The following LNX1 variants were observed in gnomAD, a reference collection of about 807,000 sequenced individuals.
The protein encoded by LNX1 is E3 ubiquitin-protein ligase LNX.
In LNX1, 54 loss-of-function variants were observed where a neutral mutation model predicts 68.4. That is an observed-to-expected ratio of 0.79 (90% CI 0.63 to 0.99). The LOEUF (loss-of-function observed/expected upper bound fraction) is 0.99, where lower values mean the gene tolerates loss of function less well. LNX1 is among the 50% of genes least tolerant of loss of function. The probability of loss-of-function intolerance (pLI) is 0.00; values close to 1 mark genes in which losing one functional copy is unlikely to be tolerated. For synonymous variants in LNX1, 336 were observed against 350.0 expected (o/e 0.96, Z 0.45); for missense variants, 906 against 926.4 (o/e 0.98, Z 0.29).
intron 1 of LNX1, among the ~76,000 whole-genome samples, chr4:53,577,653 A>C (rs1296354207): frequency 6.6e-5 from 10 of 152,172 alleles, no homozygotes; most frequent in African/African-American, 1.9e-4. Context: ...GGCCTCAAGC[A>C]ATCCTCCCAT....
chr4:53,535,116 T>A (rs913946156), intron 2 of LNX1, among the ~76,000 whole-genome samples: 2 of 147,858 alleles, frequency 1.4e-5, no homozygotes, highest in Non-Finnish European at 3.0e-5. Flanking sequence ...CAATGTTTTC[T>A]CTCTGCATCA....
chr4:53,621,767 A>C (rs549495704), upstream of LNX1, among the ~76,000 whole-genome samples: 9 of 152,310 alleles, frequency 5.9e-5, no homozygotes, highest in African/African-American at 2.2e-4. Context: ...CTCAGACCCC[A>C]CCTCAAATGA....
intron 1 of LNX1, among the ~76,000 whole-genome samples, chr4:53,590,318 A>T (rs553990710): frequency 1.3e-5 from 2 of 152,374 alleles, no homozygotes; most frequent in South Asian, 4.1e-4. Flanking sequence ...AATTCCTAAC[A>T]GATTATTCCC....
intron 2 of LNX1, among the ~76,000 whole-genome samples, chr4:53,543,001 T>C (rs1352112869): frequency 1.3e-5 from 2 of 152,196 alleles, no homozygotes; most frequent in African/African-American, 2.4e-5. Flanking sequence ...TAGGTGTGGA[T>C]TTGGAGTCAG....
intron 9 of LNX1, among the ~76,000 whole-genome samples, chr4:53,468,249 A>G (rs1354659640): frequency 6.6e-6 from 1 of 152,334 alleles, no homozygotes; most frequent in South Asian, 2.1e-4. Context: ...AATAAGCTCT[A>G]TAAGTGAAGG....
chr4:53,637,235 A>G (rs1323389139), intron 1 of LNX1, among the ~76,000 whole-genome samples: 2 of 152,126 alleles, frequency 1.3e-5, no homozygotes, highest in Non-Finnish European at 2.9e-5. Context: ...CTTGGCCCCT[A>G]AGAAACTTGT....
intron 2 of LNX1, among the ~76,000 whole-genome samples, chr4:53,541,229 G>A (rs910723913): frequency 1.3e-5 from 2 of 152,124 alleles, no homozygotes; most frequent in Non-Finnish European, 2.9e-5. Flanking sequence ...CTAGTGAGTG[G>A]GTGGAGGTAA....
At chr4:53,601,569 C>T (rs114817610) in intron 2 of LNX1, among the ~76,000 whole-genome samples, 3 of 152,214 alleles carry the variant, frequency 2.0e-5, no homozygotes, top group African/African-American at 7.2e-5. Flanking sequence ...GTGACAACTG[C>T]GTGAGCCTGG....
chr4:53,517,907 C>T (rs114483620), intron 2 of LNX1, among the ~76,000 whole-genome samples: 1,712 of 115,742 alleles, frequency 0.015, 30 homozygotes, highest in African/African-American at 0.053. Flanking sequence ...GAACTTGAGG[C>T]TGAATGGCCC....
At chr4:53,484,874 C>T (rs1444904041) in intron 6 of LNX1, among the ~76,000 whole-genome samples, 1 of 152,176 alleles carries the variant, frequency 6.6e-6, no homozygotes, top group Non-Finnish European at 1.5e-5. Flanking sequence ...AGTTGGAGTC[C>T]TCTGCCCATG....
At chr4:53,462,273 T>TCAA (rs1722211585) in intron 9 of LNX1, among the ~76,000 whole-genome samples, 1 of 152,124 alleles carries the variant, frequency 6.6e-6, no homozygotes, top group African/African-American at 2.4e-5. Context: ...ATTAGAATCC[T>TCAA]CAACTAAAAT....
chr4:53,564,446 A>G (rs1224353869), intron 2 of LNX1, among the ~76,000 whole-genome samples: 5 of 152,130 alleles, frequency 3.3e-5, no homozygotes, highest in Non-Finnish European at 7.4e-5. Flanking sequence ...GATGAGGAGG[A>G]GTGGCTGGGT....
Position 53,459,929 on chromosome 4 carries a change from T to TAA in LNX1, c.*977_*978insTT, listed in dbSNP as rs1721518390. ...GTATATTAAGAGACTCATACATTTTTGATATCACAACTTTTTGATGGCTTT... is the reference window on the plus strand; with the variant it reads ...GTATATTAAGAGACTCATACATTTTTAAGATATCACAACTTTTTGATGGCTTT... On this transcript the variant is annotated 3_prime_UTR_variant, in exon 11 of 11. Coordinates refer to ENST00000263925, the MANE Select transcript of LNX1 (RefSeq NM_001126328.3). 4.6e-6 allele frequency: 1 copy of TAA among 218,488 alleles called. No homozygotes were observed. Among genetic ancestry groups the TAA allele is most frequent in the Non-Finnish European group, 9.2e-6 (1 of 108,736 alleles). 13.5% of individuals were successfully genotyped at this position (218,488 alleles called of 1,614,324 possible). A position where few individuals can be genotyped will look rare whatever the true frequency, so the allele number is the denominator to read the frequency against.
intron 9 of LNX1, among the ~76,000 whole-genome samples, chr4:53,467,067 G>A (rs1486688849): frequency 5.9e-5 from 9 of 152,314 alleles, no homozygotes; most frequent in South Asian, 2.1e-4. Context: ...CCTGACCCCC[G>A]AGTAGCCTAA....
intron 6 of LNX1, among the ~76,000 whole-genome samples, chr4:53,487,326 C>G (rs753353054): frequency 1.3e-5 from 2 of 152,206 alleles, no homozygotes; most frequent in African/African-American, 2.4e-5. Flanking sequence ...AAAGGCTTCA[C>G]CTGCTCATTG....
At chr4:53,642,223 T>TAAAAAAAAAAAAAAAAAAAAAAAAAAA in intron 1 of LNX1, among the ~76,000 whole-genome samples, 1 of 96,308 alleles carries the variant, frequency 1.0e-5, no homozygotes, top group Non-Finnish European at 2.2e-5. Context: ...AATCCTATCT[T>TAAAAAAAAAAAAAAAAAAAAAAAAAAA]AAAAAAAAAA....
At position 53,507,408 on chromosome 4, in the gene LNX1, C is replaced by G. The variant is rs770594887; in HGVS notation, c.684G>C (p.Leu228Phe). ...SRSFKKINRA[L>F]SVLRRTKSGS... ...CGCTCTTTGTCCTTCGAAGAACACTCAAAGCTCGATTTATTTTTTTAAATG... is the reference window on the plus strand; with the variant it reads ...CGCTCTTTGTCCTTCGAAGAACACTGAAAGCTCGATTTATTTTTTTAAATG... The change falls in exon 4 of 11, where the codon TTG (leucine) becomes TTC (phenylalanine). Residue 228 changes from leucine to phenylalanine, a missense_variant. Leu to Phe is a conservative substitution (Grantham distance 22). Transcript: ENST00000263925. 5.6e-6 allele frequency: 9 copies of G among 1,614,012 alleles called. No individual in the cohort carries two copies. The highest frequency in any genetic ancestry group is 1.1e-5 in the South Asian group (1 of 91,072).
chr4:53,460,781 A>ATACTT lies in LNX1; in HGVS notation c.*121_*125dup, dbSNP rs912266781. Reference sequence around the variant, plus strand: ...TGTAACTGGCTTTCATTAGATGATCATACTTTTCCTGACATTTTTACAATG... The same window carrying ATACTT: ...TGTAACTGGCTTTCATTAGATGATCATACTTTACTTTTCCTGACATTTTTACAATG... On this transcript the variant is annotated 3_prime_UTR_variant, in exon 11 of 11. Coordinates refer to ENST00000263925, the MANE Select transcript of LNX1 (RefSeq NM_001126328.3). 2.4e-5 allele frequency: 24 copies of ATACTT among 999,648 alleles called. No individual in the cohort carries two copies. Among genetic ancestry groups the ATACTT allele is most frequent in the Admixed American group, 5.8e-5 (2 of 34,782 alleles). 61.9% of individuals were successfully genotyped at this position (999,648 alleles called of 1,614,324 possible). A position where few individuals can be genotyped will look rare whatever the true frequency, so the allele number is the denominator to read the frequency against.
intron 2 of LNX1, among the ~76,000 whole-genome samples, chr4:53,527,051 T>TAAAAAA (rs11415751): frequency 3.3e-5 from 4 of 121,488 alleles, no homozygotes; most frequent in East Asian, 2.4e-4. Context: ...TCCCTGCCCC[T>TAAAAAA]AAAAAAAAAA....
Sources: gnomAD v4.1 joint callset for allele counts (sites outside exome capture counted in the v4.1 genomes callset) on GRCh38, gnomAD v4.1.1 for gene constraint, MANE v1.5 for transcripts, NCBI Gene and HGNC (gene_info 2026-07-23, HGNC 2026-07-21) for gene names.